CUL3: variants seen among roughly 807,000 people sequenced by gnomAD.
The protein encoded by CUL3 is cullin 3, also known as cullin-3.
In CUL3, 19 loss-of-function variants were observed where a neutral mutation model predicts 89.1. That is an observed-to-expected ratio of 0.21 (90% CI 0.15 to 0.31). The LOEUF is 0.31. Among genes scored for constraint, CUL3 ranks in the 10% least tolerant of loss-of-function variants. The probability of loss-of-function intolerance (pLI) is 1.00; values close to 1 mark genes in which losing one functional copy is unlikely to be tolerated. For missense variants in CUL3, 469 were observed against 942.3 expected (o/e 0.50, Z 6.58); for synonymous variants, 351 against 308.4 (o/e 1.14, Z -1.45).
intron 13 of CUL3, among the ~76,000 whole-genome samples, chr2:224,488,716 T>C (rs1691836212): frequency 6.6e-6 from 1 of 152,174 alleles, no homozygotes; most frequent in Non-Finnish European, 1.5e-5. Context: ...CTTCTGAAAC[T>C]ATTCCAAACA....
intron 13 of CUL3, among the ~76,000 whole-genome samples, chr2:224,486,278 G>A (rs1691718683): frequency 6.6e-6 from 1 of 152,186 alleles, no homozygotes; most frequent in Non-Finnish European, 1.5e-5. Context: ...CAAACTGACA[G>A]AAGTAGGCTT....
chr2:224,506,426 T>A (rs1290837901), intron 7 of CUL3, among the ~76,000 whole-genome samples: 2 of 152,070 alleles, frequency 1.3e-5, no homozygotes, highest in African/African-American at 2.4e-5. Flanking sequence ...GTGAAAAAAA[T>A]TAGCTTAAAA....
At chr2:224,533,412 T>C (rs115241340) in intron 3 of CUL3, among the ~76,000 whole-genome samples, 55 of 152,210 alleles carry the variant, frequency 3.6e-4, no homozygotes, top group African/African-American at 1.3e-3. Flanking sequence ...AATTAACTTC[T>C]TGACCATGTG....
intron 1 of CUL3, among the ~76,000 whole-genome samples, chr2:224,582,122 GC>G (rs747041260): frequency 1.3e-5 from 2 of 151,900 alleles, no homozygotes; most frequent in African/African-American, 2.4e-5. Flanking sequence ...CCGCCACCAC[GC>G]CCCGCTAATT....
At chr2:224,522,070 T>TAAAA (rs71062936) in intron 3 of CUL3, among the ~76,000 whole-genome samples, 18 of 133,692 alleles carry the variant, frequency 1.3e-4, no homozygotes, top group African/African-American at 4.8e-4. Context: ...CATTTAAAAT[T>TAAAA]AAAAAAAAAA....
chr2:224,576,105 A>C lies in CUL3; in HGVS notation c.66+8839T>G, dbSNP rs56075510. Among the ~76,000 whole-genome samples, 1,508 of 152,312 alleles carry C rather than the reference A, an allele frequency of 9.9e-3. 20 individuals carry two copies. The highest frequency in any genetic ancestry group is 0.013 in the Non-Finnish European group (863 of 68,026). On this transcript the variant is annotated intron_variant, in intron 1 of 15. Coordinates refer to ENST00000264414, the MANE Select transcript of CUL3 (RefSeq NM_003590.5). The stretch of plus-strand genomic sequence containing the variant: ...GGTCATAGGGAGAGAGCAGGAGAGT[A>C]ATTCTCAAGCCAAAAAAGATGATGA...
Position 224,474,519 on chromosome 2 carries a change from G to A in CUL3, c.2176-143C>T, listed in dbSNP as rs1442162778. The A allele has an allele frequency of 2.7e-5, 18 of 655,730 alleles. No individual in the cohort carries two copies. In the East Asian group the frequency reaches 5.0e-4, roughly 18 times the overall value. The allele number at this position is 655,730 out of a possible 1,614,324, so 40.6% of individuals were successfully genotyped here. ...GATAAAAGCACAGAAACTTTAAAAA[G>A]GTTCTGTTTGAAAATGTAATATTAT... On this transcript the variant is annotated intron_variant, in intron 15 of 15. Transcript: ENST00000264414.
chr2:224,569,522 G>T (rs1015958147), intron 1 of CUL3, among the ~76,000 whole-genome samples: 5 of 152,022 alleles, frequency 3.3e-5, no homozygotes, highest in African/African-American at 1.2e-4. Context: ...TCCAATCCAG[G>T]ATTACAATTT....
At chr2:224,515,653 T>C (rs4673110) in intron 3 of CUL3, among the ~76,000 whole-genome samples, 28,014 of 151,974 alleles carry the variant, frequency 0.18, 2,931 homozygotes, top group South Asian at 0.27. Flanking sequence ...AGCTCTACCA[T>C]ATTAACAATG....
intron 1 of CUL3, 135 bp downstream of exon 1, chr2:224,584,809 G>T (rs2934622): frequency 2.3e-6 from 1 of 432,722 alleles, no homozygotes; most frequent in Non-Finnish European, 3.2e-6. Context: ...GGGAAGGCTC[G>T]CGCCCCGCGG....
chr2:224,471,497 A>G lies in CUL3; in HGVS notation c.*2748T>C. The G allele has an allele frequency of 5.1e-6, 1 of 194,372 alleles. No homozygotes were observed. The highest frequency in any genetic ancestry group is 8.2e-5 in the East Asian group (1 of 12,246). The allele number at this position is 194,372 out of a possible 1,614,324, so 12.0% of individuals were successfully genotyped here. A position where few individuals can be genotyped will look rare whatever the true frequency, so the allele number is the denominator to read the frequency against. On this transcript the variant is annotated 3_prime_UTR_variant, in exon 16 of 16. Transcript: ENST00000264414. ...CTGCTACCCAACATATCCGGTGAAC[A>G]AAACATCAACAGTGCTTCACTATGA... is the stretch of plus-strand genomic sequence containing the variant.
intron 13 of CUL3, among the ~76,000 whole-genome samples, chr2:224,493,658 C>T (rs1245587798): frequency 6.6e-6 from 1 of 152,188 alleles, no homozygotes; most frequent in African/African-American, 2.4e-5. Context: ...ATTCCAGTAA[C>T]AGCTTTAAAA....
At chr2:224,503,875 G>C (rs2106198016) in intron 8 of CUL3, 53 bp from the exon 9 acceptor site, 3 of 1,327,310 alleles carry the variant, frequency 2.3e-6, no homozygotes, top group Non-Finnish European at 3.0e-6. Flanking sequence ...TACAAAAGCA[G>C]TACTACGGTT....
chr2:224,498,268 T>C (rs1692243440), intron 11 of CUL3, among the ~76,000 whole-genome samples: 1 of 152,218 alleles, frequency 6.6e-6, no homozygotes, highest in Non-Finnish European at 1.5e-5. Context: ...AATATTCCTC[T>C]GGGAAAAGTT....
intron 3 of CUL3, among the ~76,000 whole-genome samples, chr2:224,533,427 G>C (rs918258813): frequency 3.3e-5 from 5 of 151,748 alleles, no homozygotes; most frequent in African/African-American, 1.2e-4. Flanking sequence ...CATGTGTAGA[G>C]TCAGAATTCA....
At position 224,506,278 on chromosome 2, in the gene CUL3, G is replaced by A. The variant is rs1692597039; in HGVS notation, c.1030-146C>T. Reference sequence around the variant, plus strand: ...CTTACAGTTTTGATATTATTTTCAAGCCTATATCTAAGCCTCTATTAAAAA... The same window carrying A: ...CTTACAGTTTTGATATTATTTTCAAACCTATATCTAAGCCTCTATTAAAAA... On this transcript the variant is annotated intron_variant, in intron 7 of 15. Coordinates refer to ENST00000264414, the MANE Select transcript of CUL3 (RefSeq NM_003590.5). The A allele has an allele frequency of 7.1e-6, 4 of 567,234 alleles. 1 individual carries two copies. Among genetic ancestry groups the A allele is most frequent in the South Asian group, 6.7e-5 (2 of 29,662 alleles). The allele number at this position is 567,234 out of a possible 1,614,324, so 35.1% of individuals were successfully genotyped here.
chr2:224,523,377 A>C (rs1395693588), intron 3 of CUL3, among the ~76,000 whole-genome samples: 3 of 137,910 alleles, frequency 2.2e-5, no homozygotes, highest in African/African-American at 8.1e-5. Context: ...ACCCATTAGA[A>C]GAGTTACTAT....
intron 1 of CUL3, among the ~76,000 whole-genome samples, chr2:224,575,905 G>C (rs1454414621): frequency 6.6e-6 from 1 of 152,148 alleles, no homozygotes; most frequent in Non-Finnish European, 1.5e-5. Context: ...ACCCATAGCA[G>C]CAACACACAA....
At chr2:224,496,426 T>A (rs1043750050) in intron 12 of CUL3, among the ~76,000 whole-genome samples, 1 of 152,174 alleles carries the variant, frequency 6.6e-6, no homozygotes, top group African/African-American at 2.4e-5. Flanking sequence ...ATAAAGGAAA[T>A]CTATTTCTTA....
Sources: gnomAD v4.1 joint callset for allele counts (sites outside exome capture counted in the v4.1 genomes callset) on GRCh38, gnomAD v4.1.1 for gene constraint, MANE v1.5 for transcripts, NCBI Gene and HGNC (gene_info 2026-07-23, HGNC 2026-07-21) for gene names.